ATF6: variants seen among roughly 807,000 people sequenced by gnomAD.
ATF6 encodes cyclic AMP-dependent transcription factor ATF-6 alpha.
A neutral mutation model predicts 83.6 loss-of-function variants in ATF6; 53 were observed. The ratio of observed to expected loss-of-function variants is 0.63; its 90% CI spans 0.51 to 0.80. The LOEUF (loss-of-function observed/expected upper bound fraction) is 0.80. ATF6 is among the 30% of genes least tolerant of loss of function. The pLI is 0.00. For missense variants in ATF6, 744 were observed against 797.9 expected, an observed-to-expected ratio of 0.93 and a Z score of 0.81; for synonymous variants, 288 against 285.8, an observed-to-expected ratio of 1.01 and a Z score of -0.08.
chr1:161,931,871 T>A (rs567425614), intron 15 of ATF6, among the ~76,000 whole-genome samples: 1 of 152,364 alleles, frequency 6.6e-6, no homozygotes, highest in East Asian at 1.9e-4. Flanking sequence ...AGCCTTATTC[T>A]TAACTCTGGT....
intron 9 of ATF6, among the ~76,000 whole-genome samples, chr1:161,827,265 T>G (rs1685927069): frequency 6.6e-6 from 1 of 152,166 alleles, no homozygotes; most frequent in Non-Finnish European, 1.5e-5. Context: ...GCTATGATCT[T>G]CTCTGGTCCG....
chr1:161,900,782 A>G (rs960125695), intron 14 of ATF6, among the ~76,000 whole-genome samples: 17 of 152,158 alleles, frequency 1.1e-4, no homozygotes, highest in Admixed American at 1.0e-3. Flanking sequence ...AGTTTTGTAC[A>G]AAACTAATGA....
intron 14 of ATF6, among the ~76,000 whole-genome samples, chr1:161,885,677 T>C (rs985753120): frequency 5.9e-5 from 9 of 152,154 alleles, no homozygotes; most frequent in Admixed American, 3.3e-4. Context: ...TTCTGTCTGA[T>C]AAAATTTTAT....
intron 9 of ATF6, among the ~76,000 whole-genome samples, chr1:161,843,253 A>G (rs535084147): frequency 6.6e-6 from 1 of 151,286 alleles, no homozygotes; most frequent in African/African-American, 2.4e-5. Flanking sequence ...AGAGTATGCA[A>G]ACTCCACACA....
Position 161,907,851 on chromosome 1 carries a change from A to G in ATF6, c.1720-4445A>G, listed in dbSNP as rs559312575. On this transcript the variant is annotated intron_variant, in intron 14 of 15. Coordinates refer to ENST00000367942, the MANE Select transcript of ATF6 (RefSeq NM_007348.4). ...GTTCCATGTTGCCATTCTTGCATAA[A>G]CTATACTCACAAATCAGCAACCATA... 1.4e-4 allele frequency among the ~76,000 whole-genome samples: 21 copies of G among 152,304 alleles called. 2 individuals are homozygous for G. In the South Asian group the frequency reaches 3.1e-3, roughly 23 times the overall value.
At chr1:161,807,865 C>CTTTTTTCTTTTTTTT (rs1685335771) in intron 7 of ATF6, among the ~76,000 whole-genome samples, 1 of 32,308 alleles carries the variant, frequency 3.1e-5, no homozygotes, top group African/African-American at 1.1e-4. Context: ...AGTTTGTCAT[C>CTTTTTTCTTTTTTTT]TTTTTTTTTT....
At position 161,833,591 on chromosome 1, in the gene ATF6, G is replaced by A. The variant is rs930324074; in HGVS notation, c.1187+12430G>A. ...CTGATGTAGCTGAAAACCATGGCAC[G>A]AGAACTATGTGACGAATGCACAAGC... On this transcript the variant is annotated intron_variant, in intron 9 of 15. Coordinates refer to ENST00000367942, the MANE Select transcript of ATF6 (RefSeq NM_007348.4). Among the ~76,000 whole-genome samples, 4 of 152,132 alleles carry A rather than the reference G, an allele frequency of 2.6e-5. 1 individual carries two copies. Among genetic ancestry groups the A allele is most frequent in the Admixed American group, 2.0e-4 (3 of 15,274 alleles).
At chr1:161,845,259 A>G (rs757132366) in intron 9 of ATF6, among the ~76,000 whole-genome samples, 6 of 152,214 alleles carry the variant, frequency 3.9e-5, no homozygotes, top group African/African-American at 1.2e-4. Flanking sequence ...CTTTAGAACC[A>G]CAGGCTCCTT....
At chr1:161,896,404 T>C (rs1413093771) in intron 14 of ATF6, among the ~76,000 whole-genome samples, 1 of 152,212 alleles carries the variant, frequency 6.6e-6, no homozygotes, top group Non-Finnish European at 1.5e-5. Context: ...GCCTCCATAT[T>C]GGATGATTAT....
chr1:161,785,608 C>G (rs534346236), intron 4 of ATF6, among the ~76,000 whole-genome samples: 1 of 152,198 alleles, frequency 6.6e-6, no homozygotes, highest in African/African-American at 2.4e-5. Context: ...ACCCAATTAA[C>G]CTGTACATAA....
Position 161,958,509 on chromosome 1 carries a change from C to G in ATF6, c.1868C>G (p.Thr623Ser). The G allele has an allele frequency of 6.2e-7, 1 of 1,613,692 alleles. No homozygotes were observed. The change falls in exon 16 of 16, where the codon ACC becomes AGC. Residue 623 changes from threonine (T) to serine (S), a missense_variant. Thr to Ser is a moderately conservative substitution (Grantham distance 58). Coordinates refer to ENST00000367942, the MANE Select transcript of ATF6 (RefSeq NM_007348.4). The part of the protein sequence containing the change: ...MMQIDCQVMD[T>S]RILHIKSSSV... ...CAGATTGACTGTCAGGTGATGGACA[C>G]CAGGATCCTCCATATCAAAAGTTCG... is the stretch of plus-strand genomic sequence containing the variant.
chr1:161,805,835 T>G (rs995006093), intron 7 of ATF6, among the ~76,000 whole-genome samples: 3 of 152,152 alleles, frequency 2.0e-5, no homozygotes, highest in Admixed American at 1.3e-4. Context: ...CATATCAGTT[T>G]TTTTGTGGCT....
rs149264801 is a variant in ATF6 at position 161,847,804 on chromosome 1, G to A, written c.1319+1224G>A. 4.6e-5 allele frequency among the ~76,000 whole-genome samples: 7 copies of A among 152,132 alleles called. No homozygotes were observed. In the East Asian group the frequency reaches 7.7e-4, roughly 17 times the overall value. ...TTGGATTTACGAGAGTTGAGATAGC[G>A]TCTTGCTAAAGAATAGAACAAGTTA... On this transcript the variant is annotated intron_variant, in intron 10 of 15. Transcript: ENST00000367942.
intron 1 of ATF6, among the ~76,000 whole-genome samples, chr1:161,767,292 G>T (rs1354247480): frequency 6.6e-6 from 1 of 152,130 alleles, no homozygotes; most frequent in African/African-American, 2.4e-5. Flanking sequence ...TTCTCCCTTG[G>T]ATCAGCATTC....
intron 8 of ATF6, 55 bp from the exon 9 acceptor site, chr1:161,821,015 C>T: frequency 1.5e-6 from 2 of 1,297,884 alleles, no homozygotes; most frequent in East Asian, 2.4e-5. Context: ...TTAAGCGTTG[C>T]TTTTTCTGAA....
At chr1:161,922,313 G>T (rs1395100332) in intron 15 of ATF6, among the ~76,000 whole-genome samples, 1 of 152,050 alleles carries the variant, frequency 6.6e-6, no homozygotes, top group Non-Finnish European at 1.5e-5. Context: ...TTTCAACTCA[G>T]TTCTAACCAA....
At chr1:161,864,592 T>G (rs1006509233) in intron 14 of ATF6, among the ~76,000 whole-genome samples, 1 of 152,226 alleles carries the variant, frequency 6.6e-6, no homozygotes, top group Non-Finnish European at 1.5e-5. Context: ...ACTAGGGAGA[T>G]CAAACATCTT....
chr1:161,819,584 G>A (rs1320206636), intron 7 of ATF6, 49 bp from the exon 8 acceptor site: 1 of 1,414,138 alleles, frequency 7.1e-7, no homozygotes, highest in Non-Finnish European at 9.4e-7. Context: ...GATCTATTTT[G>A]ATCTGATTTT....
chr1:161,786,168 A>G (rs1434615728), intron 4 of ATF6, among the ~76,000 whole-genome samples: 1 of 152,072 alleles, frequency 6.6e-6, no homozygotes, highest in Non-Finnish European at 1.5e-5. Flanking sequence ...TATTTTTAGT[A>G]GAGACAGGGT....
Sources: allele counts gnomAD v4.1 joint callset (sites outside exome capture counted in the v4.1 genomes callset), GRCh38; gene constraint gnomAD v4.1.1; transcripts MANE v1.5; gene names NCBI Gene and HGNC (gene_info 2026-07-23, HGNC 2026-07-21).